IL1RAPL1: variants seen among roughly 807,000 people sequenced by gnomAD.
The protein encoded by IL1RAPL1 is interleukin-1 receptor accessory protein-like 1.
In IL1RAPL1, 3 loss-of-function variants were observed where a neutral mutation model predicts 48.4. That is an observed-to-expected ratio of 0.06 (90% CI 0.03 to 0.16). The LOEUF is 0.16. Ranked by LOEUF, IL1RAPL1 falls within the 10% of genes least tolerant of loss-of-function variation. The pLI, the probability that IL1RAPL1 is intolerant of heterozygous loss-of-function variation, is 1.00. For synonymous variants in IL1RAPL1, 185 were observed against 187.7 expected (o/e 0.99, Z 0.12); for missense variants, 349 against 530.6 (o/e 0.66, Z 3.36).
At chrX:29,398,274 C>T (rs1473863919) in intron 4 of IL1RAPL1, among the ~76,000 whole-genome samples, 1 of 111,992 alleles carries the variant, frequency 8.9e-6, no homozygotes, top group South Asian at 3.7e-4. Flanking sequence ...TACACAAAGG[C>T]ATTGAGCCAC....
intron 5 of IL1RAPL1, among the ~76,000 whole-genome samples, chrX:29,521,937 T>G (rs1379444511): frequency 9.0e-6 from 1 of 111,545 alleles, no homozygotes; most frequent in African/African-American, 3.3e-5. Context: ...ACCTGCAAGT[T>G]TGCTTTTACT....
rs188828404 is a variant in IL1RAPL1, at chrX:28,830,994, C to T, written c.82+41569C>T. On this transcript the variant is annotated intron_variant, in intron 2 of 10. Transcript: ENST00000378993. Reference sequence around the variant, plus strand: ...TTCTCCCAACCTTTGCCCAGGGTTTCTCTCTCTCTCTCTCTCTCTCTCTCT... The same window carrying T: ...TTCTCCCAACCTTTGCCCAGGGTTTTTCTCTCTCTCTCTCTCTCTCTCTCT... Among the ~76,000 whole-genome samples the T allele has an allele frequency of 7.1e-5, 3 of 42,159 alleles. No individual in the cohort carries two copies. The Admixed American group carries it at 1.1e-3, about 15-fold the overall frequency. 36.6% of individuals were successfully genotyped at this position (42,159 alleles called of 115,157 possible). A position where few individuals can be genotyped will look rare whatever the true frequency, so the allele number is the denominator to read the frequency against.
At chrX:29,490,319 G>A (rs1489013907) in intron 5 of IL1RAPL1, among the ~76,000 whole-genome samples, 1 of 111,050 alleles carries the variant, frequency 9.0e-6, no homozygotes, top group Non-Finnish European at 1.9e-5. Context: ...ATCACTTGAG[G>A]CCAGGAGTTC....
At chrX:29,810,661 T>C (rs1371183648) in intron 6 of IL1RAPL1, among the ~76,000 whole-genome samples, 8 of 111,742 alleles carry the variant, frequency 7.2e-5, no homozygotes, top group African/African-American at 1.3e-4. Flanking sequence ...TATTTTCTTA[T>C]TCTATCCTCC....
At chrX:28,958,842 A>T (rs538025555) in intron 2 of IL1RAPL1, among the ~76,000 whole-genome samples, 6 of 111,494 alleles carry the variant, frequency 5.4e-5, no homozygotes, top group African/African-American at 2.0e-4. Context: ...CTAATAATCC[A>T]TAATAATGAA....
At chrX:29,232,530 T>G (rs756781328) in intron 2 of IL1RAPL1, among the ~76,000 whole-genome samples, 3 of 112,201 alleles carry the variant, frequency 2.7e-5, no homozygotes, top group African/African-American at 9.7e-5. Context: ...CTTGGGCAGA[T>G]TAGGGCATTG....
intron 6 of IL1RAPL1, among the ~76,000 whole-genome samples, chrX:29,731,910 C>A (rs1389108829): frequency 2.7e-5 from 3 of 112,261 alleles, no homozygotes; most frequent in Non-Finnish European, 5.6e-5. Context: ...ACACTGGAAG[C>A]AGGACATAAA....
At chrX:29,411,536 G>A (rs1602222441) in intron 5 of IL1RAPL1, among the ~76,000 whole-genome samples, 1 of 111,217 alleles carries the variant, frequency 9.0e-6, no homozygotes, top group African/African-American at 3.3e-5. Flanking sequence ...AGTGTACTGA[G>A]AGTGTTTTCA....
At chrX:29,216,671 A>G (rs1930875395) in intron 2 of IL1RAPL1, among the ~76,000 whole-genome samples, 1 of 111,930 alleles carries the variant, frequency 8.9e-6, no homozygotes, top group Non-Finnish European at 1.9e-5. Context: ...TTCTCAGGTA[A>G]GAATCCAACC....
intron 9 of IL1RAPL1, 77 bp downstream of exon 9, chrX:29,941,871 A>C: frequency 2.2e-6 from 2 of 929,796 alleles, no homozygotes; most frequent in Non-Finnish European, 1.5e-6. Flanking sequence ...AAGGGGAAAA[A>C]AATTACGTGC....
chrX:29,162,269 A>G (rs1387409073), intron 2 of IL1RAPL1, among the ~76,000 whole-genome samples: 1 of 110,869 alleles, frequency 9.0e-6, no homozygotes, highest in Non-Finnish European at 1.9e-5. Flanking sequence ...TGGGCTTAAA[A>G]CCTAGATGAT....
chrX:29,556,292 C>G (rs762473742), intron 5 of IL1RAPL1, among the ~76,000 whole-genome samples: 1 of 111,944 alleles, frequency 8.9e-6, no homozygotes, highest in East Asian at 2.8e-4. Flanking sequence ...TGTCTGTTGG[C>G]AAGAAAACAA....
At chrX:28,767,842 C>CA (rs1936258814) in intron 1 of IL1RAPL1, among the ~76,000 whole-genome samples, 1 of 110,329 alleles carries the variant, frequency 9.1e-6, no homozygotes, top group Non-Finnish European at 1.9e-5. Flanking sequence ...AAATACAATG[C>CA]AAAAAAGTTA....
chrX:28,755,761 T>C (rs952274155), intron 1 of IL1RAPL1, among the ~76,000 whole-genome samples: 6 of 112,347 alleles, frequency 5.3e-5, no homozygotes, highest in African/African-American at 1.9e-4. Context: ...AAATTTTCTT[T>C]TCTTGCATTC....
chrX:29,753,418 A>C (rs1201002061), intron 6 of IL1RAPL1, among the ~76,000 whole-genome samples: 1 of 111,822 alleles, frequency 8.9e-6, no homozygotes, highest in East Asian at 2.8e-4. Context: ...TTTCTATTCA[A>C]ATAACCAGTT....
chrX:29,611,309 A>G (rs1924087963), intron 5 of IL1RAPL1, among the ~76,000 whole-genome samples: 2 of 111,983 alleles, frequency 1.8e-5, no homozygotes, highest in Non-Finnish European at 3.8e-5. Flanking sequence ...CCACAGTCTT[A>G]TACTAACCTG....
chrX:28,961,759 C>T, intron 2 of IL1RAPL1, among the ~76,000 whole-genome samples: 1 of 111,832 alleles, frequency 8.9e-6, no homozygotes, highest in South Asian at 3.8e-4. Flanking sequence ...TTCATTCCCC[C>T]TCTCCCAAAT....
intron 2 of IL1RAPL1, among the ~76,000 whole-genome samples, chrX:28,815,839 GTATA>G (rs61436993): frequency 0.12 from 3,464 of 28,808 alleles, 151 homozygotes; most frequent in Non-Finnish European, 0.13. Context: ...GTGTGTTTAT[GTATA>G]TATATATATA....
chrX:29,401,952 G>A lies in IL1RAPL1; in HGVS notation c.703+2644G>A, dbSNP rs1933998400. ...CTTGTTGCCCAGGCTAGAGTGCAGT[G>A]GTGCAATCTTGGCTCACTGCAACCT... On this transcript the variant is annotated intron_variant, in intron 5 of 10. Transcript: ENST00000378993. 3.6e-5 allele frequency among the ~76,000 whole-genome samples: 4 copies of A among 109,697 alleles called. No homozygotes were observed. The Admixed American group carries it at 3.9e-4, about 11-fold the overall frequency.
Sources: allele counts gnomAD v4.1 joint callset (sites outside exome capture counted in the v4.1 genomes callset), GRCh38; gene constraint gnomAD v4.1.1; transcripts MANE v1.5; gene names NCBI Gene and HGNC (gene_info 2026-07-23, HGNC 2026-07-21).